Variants in NWD2 observed in about 807,000 individuals in gnomAD.
NWD2 encodes NACHT and WD repeat domain-containing protein 2.
In NWD2, 37 loss-of-function variants were observed where a neutral mutation model predicts 132.7. The ratio of observed to expected loss-of-function variants is 0.28; its 90% CI spans 0.21 to 0.37. NWD2 has a LOEUF of 0.37. Among genes scored for constraint, NWD2 ranks in the 10% least tolerant of loss-of-function variants. The pLI is 1.00. For missense variants in NWD2, 1,592 were observed against 2,122.4 expected (o/e 0.75, Z 4.91); for synonymous variants, 705 against 803.0 (o/e 0.88, Z 2.06).
At position 37,416,194 on chromosome 4, in the gene NWD2, G is replaced by C. The variant is rs377644539; in HGVS notation, c.358-14378G>C. On this transcript the variant is annotated intron_variant, in intron 3 of 6. Coordinates refer to ENST00000309447, the MANE Select transcript of NWD2 (RefSeq NM_001144990.2). ...ATGTATCCAGGCCGGGGTAGGGACC[G>C]AGCCAACTGGACAGCAGCTGTGAGA... 6.6e-5 allele frequency among the ~76,000 whole-genome samples: 10 copies of C among 152,312 alleles called. No individual in the cohort carries two copies. The East Asian group carries it at 1.2e-3, about 18-fold the overall frequency.
At chr4:37,263,573 T>C (rs773624709) in intron 1 of NWD2, among the ~76,000 whole-genome samples, 4 of 152,178 alleles carry the variant, frequency 2.6e-5, no homozygotes, top group Non-Finnish European at 4.4e-5. Flanking sequence ...TCTAAGGTTT[T>C]ATGAGGGCTA....
rs965057196 is a variant in NWD2, at chr4:37,448,448, A to G, written c.*1231A>G. ...TTTATAGTCCTATCCATTTCAAAGC[A>G]GAAGCTGTGGAATGGTATTAAATAT... On this transcript the variant is annotated 3_prime_UTR_variant, in exon 7 of 7. Transcript: ENST00000309447. 1 of 152,214 alleles carries G rather than the reference A, an allele frequency of 6.6e-6. No homozygotes were observed. The highest frequency in any genetic ancestry group is 6.5e-5 in the Admixed American group (1 of 15,282). The allele number at this position is 152,214 out of a possible 1,614,324, so 9.4% of individuals were successfully genotyped here.
Position 37,352,485 on chromosome 4 carries a change from A to G in NWD2, c.241-3881A>G, listed in dbSNP as rs550213357. On this transcript the variant is annotated intron_variant, in intron 2 of 6. Coordinates refer to ENST00000309447, the MANE Select transcript of NWD2 (RefSeq NM_001144990.2). ...GGTGTTGAAGTCTCCTGCTATTATTATGTGGGAGTCTGAGTCTCTTTGTAG... is the reference window on the plus strand; with the variant it reads ...GGTGTTGAAGTCTCCTGCTATTATTGTGTGGGAGTCTGAGTCTCTTTGTAG... Among the ~76,000 whole-genome samples the G allele has an allele frequency of 2.0e-3, 311 of 152,170 alleles. 3 individuals are homozygous for G. The highest frequency in any genetic ancestry group is 0.017 in the South Asian group (80 of 4,816).
At chr4:37,345,007 G>A (rs901964579) in intron 2 of NWD2, among the ~76,000 whole-genome samples, 3 of 152,078 alleles carry the variant, frequency 2.0e-5, no homozygotes, top group African/African-American at 7.2e-5. Flanking sequence ...TTTACTTAAT[G>A]CTTTCAAGGT....
rs146448164 is a variant in NWD2, at chr4:37,320,042, T to C, written c.152-5894T>C. Among the ~76,000 whole-genome samples, 1,253 of 152,332 alleles carry C rather than the reference T, an allele frequency of 8.2e-3. 14 individuals are homozygous for C. Among genetic ancestry groups the C allele is most frequent in the African/African-American group, 0.029 (1,193 of 41,578 alleles). ...CATTGGTAGTTTGATAGGAATAGCATTGAATCTGTAGATTGCTTTAGGCAG... is the reference window on the plus strand; with the variant it reads ...CATTGGTAGTTTGATAGGAATAGCACTGAATCTGTAGATTGCTTTAGGCAG... On this transcript the variant is annotated intron_variant, in intron 1 of 6. Coordinates refer to ENST00000309447, the MANE Select transcript of NWD2 (RefSeq NM_001144990.2).
chr4:37,341,101 C>T (rs530524088), intron 2 of NWD2, among the ~76,000 whole-genome samples: 5 of 152,344 alleles, frequency 3.3e-5, no homozygotes, highest in African/African-American at 1.2e-4. Flanking sequence ...GATACACATT[C>T]AGTAGAAACT....
intron 3 of NWD2, among the ~76,000 whole-genome samples, chr4:37,419,674 G>A (rs2109322254): frequency 6.6e-6 from 1 of 152,212 alleles, no homozygotes; most frequent in Non-Finnish European, 1.5e-5. Flanking sequence ...AAACTGGGTT[G>A]TTTATTCTTT....
intron 5 of NWD2, among the ~76,000 whole-genome samples, chr4:37,436,251 A>G (rs1277287441): frequency 6.6e-6 from 1 of 152,202 alleles, no homozygotes; most frequent in Admixed American, 6.5e-5. Context: ...CAGAAAATAA[A>G]TATAATATTC....
At chr4:37,425,932 T>G (rs1293342561) in intron 3 of NWD2, among the ~76,000 whole-genome samples, 1 of 152,196 alleles carries the variant, frequency 6.6e-6, no homozygotes, top group Non-Finnish European at 1.5e-5. Context: ...AACAAAACAG[T>G]GGAATCCATC....
intron 3 of NWD2, among the ~76,000 whole-genome samples, chr4:37,369,857 A>G (rs1720180543): frequency 6.6e-6 from 1 of 152,184 alleles, no homozygotes; most frequent in Non-Finnish European, 1.5e-5. Context: ...CAGTCAAAGC[A>G]GGTCTTCTCT....
chr4:37,294,630 G>A (rs1005754875), intron 1 of NWD2, among the ~76,000 whole-genome samples: 4 of 152,150 alleles, frequency 2.6e-5, no homozygotes, highest in Non-Finnish European at 4.4e-5. Flanking sequence ...GGTTTTGTCT[G>A]TAACAAAAAT....
chr4:37,258,091 A>G (rs1717556242), intron 1 of NWD2, among the ~76,000 whole-genome samples: 1 of 152,246 alleles, frequency 6.6e-6, no homozygotes, highest in South Asian at 2.1e-4. Context: ...CGTAATGCAT[A>G]GTTTGCTTAA....
chr4:37,313,237 G>T (rs1216673182), intron 1 of NWD2, among the ~76,000 whole-genome samples: 3 of 151,014 alleles, frequency 2.0e-5, no homozygotes, highest in Non-Finnish European at 4.4e-5. Flanking sequence ...GGTAGAATTC[G>T]GCTGTGAATC....
At chr4:37,339,001 T>A (rs534278775) in intron 2 of NWD2, among the ~76,000 whole-genome samples, 24 of 152,354 alleles carry the variant, frequency 1.6e-4, no homozygotes, top group Non-Finnish European at 2.6e-4. Flanking sequence ...ATTAATCAAA[T>A]GGATGCTGCT....
chr4:37,315,284 G>T (rs1718935127), intron 1 of NWD2, among the ~76,000 whole-genome samples: 1 of 151,908 alleles, frequency 6.6e-6, no homozygotes, highest in Non-Finnish European at 1.5e-5. Context: ...ATAAATGTCA[G>T]GTTAAACTGC....
intron 1 of NWD2, among the ~76,000 whole-genome samples, chr4:37,294,278 T>G (rs762480824): frequency 1.6e-4 from 24 of 152,328 alleles, no homozygotes; most frequent in Non-Finnish European, 2.1e-4. Flanking sequence ...ATCTTTAATG[T>G]GCCACTAATT....
At chr4:37,437,748 G>T (rs1011697200) in intron 5 of NWD2, among the ~76,000 whole-genome samples, 6 of 151,912 alleles carry the variant, frequency 3.9e-5, no homozygotes, top group Non-Finnish European at 8.8e-5. Context: ...CATTACTACT[G>T]ACCCAGTTTA....
chr4:37,278,811 C>T (rs112071999), intron 1 of NWD2, among the ~76,000 whole-genome samples: 1,653 of 152,272 alleles, frequency 0.011, 32 homozygotes, highest in African/African-American at 0.037. Context: ...TTCTGACTTT[C>T]CTACCAAAGA....
chr4:37,359,394 A>G (rs1427710086), intron 3 of NWD2, among the ~76,000 whole-genome samples: 4 of 152,080 alleles, frequency 2.6e-5, no homozygotes, highest in Non-Finnish European at 4.4e-5. Flanking sequence ...AAAAAGAAAA[A>G]AAAAGTACTC....
Sources: gnomAD v4.1 joint callset for allele counts (sites outside exome capture counted in the v4.1 genomes callset) on GRCh38, gnomAD v4.1.1 for gene constraint, MANE v1.5 for transcripts, NCBI Gene and HGNC (gene_info 2026-07-23, HGNC 2026-07-21) for gene names.